FAM168A: variants seen among roughly 807,000 people sequenced by gnomAD.
FAM168A encodes the protein family with sequence similarity 168 member A.
Under a neutral mutation model 28.5 loss-of-function variants are expected in FAM168A, and 3 were observed. The observed-to-expected ratio is 0.11, with a 90% confidence interval of 0.05 to 0.27. FAM168A has a LOEUF of 0.27. FAM168A is among the 10% of genes least tolerant of loss of function. The pLI is 1.00. For synonymous variants in FAM168A, 122 were observed against 124.2 expected (o/e 0.98, Z 0.12); for missense variants, 222 against 311.5 (o/e 0.71, Z 2.16).
At chr11:73,439,369 A>G (rs1016623969) in intron 2 of FAM168A, among the ~76,000 whole-genome samples, 6 of 152,202 alleles carry the variant, frequency 3.9e-5, no homozygotes, top group African/African-American at 1.4e-4. Flanking sequence ...GAGAAAGCAT[A>G]CCTATCCAGG....
chr11:73,433,567 G>A (rs1867035389), intron 2 of FAM168A, among the ~76,000 whole-genome samples: 1 of 152,006 alleles, frequency 6.6e-6, no homozygotes, highest in Non-Finnish European at 1.5e-5. Context: ...TATATGATAT[G>A]AGGTAGGGGT....
chr11:73,582,356 C>T (rs776755399), intron 1 of FAM168A, among the ~76,000 whole-genome samples: 5 of 151,850 alleles, frequency 3.3e-5, no homozygotes, highest in Non-Finnish European at 5.9e-5. Flanking sequence ...CCCATCTCTA[C>T]TAAAAATACA....
chr11:73,490,670 C>G (rs1298784702), intron 1 of FAM168A, among the ~76,000 whole-genome samples: 1 of 152,168 alleles, frequency 6.6e-6, no homozygotes. Flanking sequence ...TCACTTACTT[C>G]AGGTCTTAAT....
chr11:73,435,903 T>C (rs1394379203), intron 2 of FAM168A, among the ~76,000 whole-genome samples: 1 of 152,220 alleles, frequency 6.6e-6, no homozygotes, highest in Non-Finnish European at 1.5e-5. Context: ...GCTAATCAAA[T>C]AGAGGTTGAG....
chr11:73,415,885 C>T (rs1332754504), intron 4 of FAM168A, among the ~76,000 whole-genome samples: 1 of 152,184 alleles, frequency 6.6e-6, no homozygotes, highest in Non-Finnish European at 1.5e-5. Context: ...GCCTGAAGGA[C>T]ATTAGAGGTT....
At chr11:73,577,778 A>G (rs1944193961) in intron 1 of FAM168A, among the ~76,000 whole-genome samples, 2 of 152,232 alleles carry the variant, frequency 1.3e-5, no homozygotes, top group African/African-American at 2.4e-5. Flanking sequence ...ACATAGGCAT[A>G]AAGAATGCAA....
chr11:73,411,333 C>T lies in FAM168A; in HGVS notation c.420+61G>A, dbSNP rs1866606287. The T allele has an allele frequency of 3.9e-6, 6 of 1,529,638 alleles. No individual in the cohort carries two copies. In the African/African-American group the frequency reaches 8.3e-5, roughly 21 times the overall value. 94.8% of individuals were successfully genotyped at this position (1,529,638 alleles called of 1,614,324 possible). A position where few individuals can be genotyped will look rare whatever the true frequency, so the allele number is the denominator to read the frequency against. On this transcript the variant is annotated intron_variant, in intron 5 of 7. Transcript: ENST00000356467. ...CTCACTTCCTCACCCTACCCCACCA[C>T]ACTGCACCCAGGCTGAAGGCTCCTC...
intron 1 of FAM168A, among the ~76,000 whole-genome samples, chr11:73,574,718 A>ATTTTT (rs10568027): frequency 2.3e-5 from 2 of 88,640 alleles, no homozygotes; most frequent in African/African-American, 3.9e-5. Context: ...TACACCTGGC[A>ATTTTT]TTTTTTTTTT....
intron 2 of FAM168A, among the ~76,000 whole-genome samples, chr11:73,442,955 G>GAT (rs58430278): frequency 0.13 from 5,317 of 39,608 alleles, 785 homozygotes; most frequent in Middle Eastern, 0.18. Flanking sequence ...ATATACAAAG[G>GAT]ATATATATAT....
intron 1 of FAM168A, among the ~76,000 whole-genome samples, chr11:73,512,158 A>G (rs12273771): frequency 0.03 from 4,529 of 152,288 alleles, 225 homozygotes; most frequent in African/African-American, 0.1. Flanking sequence ...AATGATCACA[A>G]TAATATTGAA....
At chr11:73,542,515 A>C (rs1943670571) in intron 1 of FAM168A, among the ~76,000 whole-genome samples, 1 of 152,120 alleles carries the variant, frequency 6.6e-6, no homozygotes, top group African/African-American at 2.4e-5. Flanking sequence ...TACTACACTG[A>C]CTCAAGTCTT....
chr11:73,522,486 G>A (rs1943394851), intron 1 of FAM168A, among the ~76,000 whole-genome samples: 1 of 151,912 alleles, frequency 6.6e-6, no homozygotes, highest in African/African-American at 2.4e-5. Context: ...ACAGGTGCCT[G>A]CCACCATGCC....
chr11:73,589,657 G>A (rs1025918736), intron 1 of FAM168A, among the ~76,000 whole-genome samples: 1 of 152,200 alleles, frequency 6.6e-6, no homozygotes, highest in African/African-American at 2.4e-5. Flanking sequence ...GGCTGGGCAC[G>A]GTGGCTCACG....
At chr11:73,460,001 C>T (rs1202551731) in intron 2 of FAM168A, among the ~76,000 whole-genome samples, 1 of 151,840 alleles carries the variant, frequency 6.6e-6, no homozygotes, top group Non-Finnish European at 1.5e-5. Flanking sequence ...CTGCCTCACC[C>T]TCCTGAGTAA....
At chr11:73,551,885 A>G (rs545449664) in intron 1 of FAM168A, among the ~76,000 whole-genome samples, 14 of 152,380 alleles carry the variant, frequency 9.2e-5, no homozygotes, top group Non-Finnish European at 1.6e-4. Flanking sequence ...GCCATGTGCT[A>G]TCAGCAGCAG....
intron 1 of FAM168A, among the ~76,000 whole-genome samples, chr11:73,501,827 C>A (rs1041712401): frequency 1.3e-5 from 2 of 152,002 alleles, no homozygotes; most frequent in Non-Finnish European, 2.9e-5. Context: ...GAAGGCCGGG[C>A]GCGGTGGCTC....
Position 73,551,457 on chromosome 11 carries a change from C to G in FAM168A, c.-19+46466G>C, listed in dbSNP as rs944726674. ...TCTATGCCTCTCAAAGCTGGAACAC[C>G]ATGATTCAGCTATATAGCACAATTA... On this transcript the variant is annotated intron_variant, in intron 1 of 7. Coordinates refer to ENST00000356467, the MANE Select transcript of FAM168A (RefSeq NM_015159.3). Among the ~76,000 whole-genome samples, 4 of 152,310 alleles carry G rather than the reference C, an allele frequency of 2.6e-5. No individual in the cohort carries two copies. In the South Asian group the frequency reaches 6.2e-4, roughly 24 times the overall value.
intron 4 of FAM168A, 105 bp downstream of exon 4, chr11:73,419,769 A>T: frequency 7.0e-7 from 1 of 1,421,872 alleles, no homozygotes; most frequent in Middle Eastern, 2.3e-4. Flanking sequence ...TTAAAACATT[A>T]TTTATCTCAT....
intron 1 of FAM168A, among the ~76,000 whole-genome samples, chr11:73,561,062 A>C (rs569266051): frequency 2.4e-4 from 27 of 112,194 alleles, no homozygotes; most frequent in East Asian, 1.4e-3. Flanking sequence ...ACTCTGTCCC[A>C]AAAAAAAAAA....
Sources: gnomAD v4.1 joint callset for allele counts (sites outside exome capture counted in the v4.1 genomes callset) on GRCh38, gnomAD v4.1.1 for gene constraint, MANE v1.5 for transcripts, NCBI Gene and HGNC (gene_info 2026-07-23, HGNC 2026-07-21) for gene names.